Variants in ANKFN1 observed in about 807,000 individuals in gnomAD.
ANKFN1 encodes ankyrin repeat and fibronectin type-III domain-containing protein 1.
A neutral mutation model predicts 108.7 loss-of-function variants in ANKFN1; 74 were observed. That is an observed-to-expected ratio of 0.68 (90% confidence interval 0.56 to 0.83). The LOEUF (loss-of-function observed/expected upper bound fraction) is 0.83, where lower values mean the gene tolerates loss of function less well. Ranked by LOEUF, ANKFN1 falls within the 40% of genes least tolerant of loss-of-function variation. ANKFN1 has a pLI of 0.00. For synonymous variants in ANKFN1, 547 were observed against 516.2 expected, an observed-to-expected ratio of 1.06 and a Z score of -0.81; for missense variants, 1,505 against 1,382.3, an observed-to-expected ratio of 1.09 and a Z score of -1.41.
At chr17:56,260,063 AG>A (rs2043468998) in intron 3 of ANKFN1, among the ~76,000 whole-genome samples, 2 of 152,352 alleles carry the variant, frequency 1.3e-5, no homozygotes, top group Admixed American at 6.5e-5. Context: ...GTTCCATGCA[AG>A]GATAGGCAAA....
chr17:56,196,277 C>A (rs1913499528), intron 1 of ANKFN1, among the ~76,000 whole-genome samples: 1 of 152,114 alleles, frequency 6.6e-6, no homozygotes, highest in Non-Finnish European at 1.5e-5. Flanking sequence ...CCACCACCAC[C>A]ACAACAAAAG....
chr17:56,211,214 T>G (rs1914970485), intron 1 of ANKFN1, among the ~76,000 whole-genome samples: 1 of 152,222 alleles, frequency 6.6e-6, no homozygotes, highest in South Asian at 2.1e-4. Flanking sequence ...AAAGTTGTCT[T>G]CTAGAATTTT....
chr17:56,176,613 A>G (rs1249696797), intron 1 of ANKFN1, among the ~76,000 whole-genome samples: 1 of 152,102 alleles, frequency 6.6e-6, no homozygotes, highest in African/African-American at 2.4e-5. Flanking sequence ...TTGGCCCTCA[A>G]AAGACATTAA....
chr17:56,365,433 A>C (rs145595462), intron 6 of ANKFN1, among the ~76,000 whole-genome samples: 292 of 152,328 alleles, frequency 1.9e-3, no homozygotes, highest in African/African-American at 6.6e-3. Context: ...CTTCTATGTA[A>C]AGATTATCAT....
chr17:56,246,778 A>G (rs1441381694), intron 3 of ANKFN1, among the ~76,000 whole-genome samples: 1 of 152,166 alleles, frequency 6.6e-6, no homozygotes, highest in African/African-American at 2.4e-5. Context: ...TATGTAATAC[A>G]TAACTAATAA....
At chr17:56,455,318 T>C (rs1598638078) in intron 11 of ANKFN1, among the ~76,000 whole-genome samples, 2 of 152,312 alleles carry the variant, frequency 1.3e-5, no homozygotes, top group Non-Finnish European at 2.9e-5. Context: ...CTCTTCCATA[T>C]TTAACTGGAA....
chr17:56,398,730 G>T (rs972159462), intron 8 of ANKFN1, among the ~76,000 whole-genome samples: 1 of 152,092 alleles, frequency 6.6e-6, no homozygotes, highest in South Asian at 2.1e-4. Flanking sequence ...CAAGAGACAA[G>T]TCATTACTCT....
rs1183757109 is a variant in ANKFN1 at position 56,511,034 on chromosome 17, C to T, written c.3206C>T (p.Ala1069Val). The T allele has an allele frequency of 6.5e-7, 1 of 1,536,012 alleles. No individual in the cohort carries two copies. Among genetic ancestry groups the T allele is most frequent in the East Asian group, 2.4e-5 (1 of 40,912 alleles). Residue 1069 changes from alanine (A) to valine (V), a missense_variant, in exon 21 of 21, where the codon GCT (alanine) becomes GTT (valine). Ala to Val is a moderately conservative substitution (Grantham distance 64, BLOSUM62 0). Coordinates refer to ENST00000682825, the MANE Select transcript of ANKFN1 (RefSeq NM_001370326.1). Reference sequence around the variant, plus strand: ...CCCAGGGGCCTAACTCTGGCCCACGCTGCCAGCCTTCCTGAGGAGCGGAAC... The same window carrying T: ...CCCAGGGGCCTAACTCTGGCCCACGTTGCCAGCCTTCCTGAGGAGCGGAAC... The part of the protein sequence containing the change: ...DDPRGLTLAH[A>V]ASLPEERNSS...
rs1257175709 is a variant in ANKFN1, at chr17:56,157,898, T to C, written c.-71+4368T>C. Among the ~76,000 whole-genome samples, 5 of 152,224 alleles carry C rather than the reference T, an allele frequency of 3.3e-5. No individual in the cohort carries two copies. In the East Asian group the frequency reaches 9.6e-4, roughly 29 times the overall value. On this transcript the variant is annotated intron_variant, in intron 1 of 20. Coordinates refer to ENST00000682825, the MANE Select transcript of ANKFN1 (RefSeq NM_001370326.1). ...CACTCCCGTTTTCAGGCTTATTGCC[T>C]TAAGCAGTGGAAACTGGGTTACACA... is the stretch of plus-strand genomic sequence containing the variant.
At chr17:56,135,516 G>T (rs1196133295) in intron 4 of ANKFN1, among the ~76,000 whole-genome samples, 1 of 152,152 alleles carries the variant, frequency 6.6e-6, no homozygotes, top group Non-Finnish European at 1.5e-5. Context: ...AGTAGCAGCT[G>T]CTGAGAAGCC....
At chr17:56,143,661 G>A (rs1326234332) in intron 4 of ANKFN1, among the ~76,000 whole-genome samples, 1 of 152,196 alleles carries the variant, frequency 6.6e-6, no homozygotes, top group Non-Finnish European at 1.5e-5. Context: ...ATTAAGTCAA[G>A]GGTCTTTGGA....
chr17:56,343,581 T>C (rs1249628530), intron 4 of ANKFN1, among the ~76,000 whole-genome samples: 2 of 151,930 alleles, frequency 1.3e-5, no homozygotes, highest in Non-Finnish European at 2.9e-5. Context: ...GTGGCTCTCT[T>C]TGAGTTTATT....
intron 3 of ANKFN1, among the ~76,000 whole-genome samples, chr17:56,309,009 T>C (rs1215553060): frequency 6.6e-6 from 1 of 152,238 alleles, no homozygotes; most frequent in African/African-American, 2.4e-5. Flanking sequence ...CATTTGTGAG[T>C]AATATTTTCT....
rs1904781875 is a variant in ANKFN1 at position 56,051,863 on chromosome 17, G to A, written c.288+5538G>A. ...AATACCTAGGAATCCAACTTACAAG[G>A]GATGTGAAGGACCTCTTCAAGGAGA... On this transcript the variant is annotated intron_variant, in intron 4 of 12. Transcript: ENST00000635860. 3.3e-5 allele frequency among the ~76,000 whole-genome samples: 5 copies of A among 150,836 alleles called. No homozygotes were observed. The South Asian group carries it at 1.1e-3, about 32-fold the overall frequency.
At chr17:56,477,383 G>A in intron 15 of ANKFN1, 105 bp from the exon 16 acceptor site, 2 of 1,137,066 alleles carry the variant, frequency 1.8e-6, no homozygotes, top group Non-Finnish European at 2.4e-6. Flanking sequence ...CTTAGTGACA[G>A]CTCCTTTCAT....
intron 4 of ANKFN1, among the ~76,000 whole-genome samples, chr17:56,055,419 G>A (rs1440670890): frequency 7.2e-6 from 1 of 139,514 alleles, no homozygotes; most frequent in Non-Finnish European, 1.6e-5. Flanking sequence ...CTGTTTTGTG[G>A]TTGTATATTA....
rs761933850 is a variant in ANKFN1, at chr17:56,456,885, G to C, written c.1232G>C (p.Gly411Ala). ...GAAAGCACAAAATTACAAACCACAGGCCGCAAGCAGTCAGTCTCAAGAAGC... is the reference window on the plus strand; with the variant it reads ...GAAAGCACAAAATTACAAACCACAGCCCGCAAGCAGTCAGTCTCAAGAAGC... ...CRESTKLQTTGRKQSVSRSLK... is the reference protein window; with the variant it reads ...CRESTKLQTTARKQSVSRSLK... The change falls in exon 12 of 21, where the codon GGC becomes GCC. Residue 411 changes from glycine (G) to alanine (A), a missense_variant. Coordinates refer to ENST00000682825, the MANE Select transcript of ANKFN1 (RefSeq NM_001370326.1). 1 of 1,614,074 alleles carries C rather than the reference G, an allele frequency of 6.2e-7. No individual in the cohort carries two copies. Among genetic ancestry groups the C allele is most frequent in the East Asian group, 2.2e-5 (1 of 44,868 alleles).
intron 20 of ANKFN1, among the ~76,000 whole-genome samples, chr17:56,509,571 C>T (rs1027708148): frequency 2.6e-5 from 4 of 152,114 alleles, no homozygotes; most frequent in East Asian, 1.9e-4. Flanking sequence ...TGAAAAAAGG[C>T]GGTCTTTTAC....
chr17:56,281,546 T>G (rs960154404), intron 3 of ANKFN1, among the ~76,000 whole-genome samples: 24 of 152,092 alleles, frequency 1.6e-4, no homozygotes, highest in Non-Finnish European at 1.5e-5. Context: ...AATTAAAGAC[T>G]CCATTTAAAA....
Sources: allele counts gnomAD v4.1 joint callset (sites outside exome capture counted in the v4.1 genomes callset), GRCh38; gene constraint gnomAD v4.1.1; transcripts MANE v1.5; gene names NCBI Gene and HGNC (gene_info 2026-07-23, HGNC 2026-07-21).